Variants in SUGCT observed in about 807,000 individuals in gnomAD.
SUGCT encodes the protein succinyl-CoA:glutarate-CoA transferase.
SUGCT carries 41 observed loss-of-function variants against 55.0 expected under a neutral mutation model. The ratio of observed to expected loss-of-function variants is 0.74; its 90% confidence interval spans 0.58 to 0.97. The LOEUF (loss-of-function observed/expected upper bound fraction) is 0.97, where lower values mean the gene tolerates loss of function less well. SUGCT is among the 50% of genes least tolerant of loss of function. SUGCT has a pLI of 0.00. For missense variants in SUGCT, 568 were observed against 547.8 expected, an observed-to-expected ratio of 1.04 and a Z score of -0.37; for synonymous variants, 187 against 200.4, an observed-to-expected ratio of 0.93 and a Z score of 0.56.
chr7:40,374,243 A>G (rs1005117643), intron 9 of SUGCT, among the ~76,000 whole-genome samples: 5 of 152,156 alleles, frequency 3.3e-5, no homozygotes, highest in African/African-American at 1.2e-4. Context: ...CCACAATTAC[A>G]GTTTGAGTTA....
chr7:40,780,892 T>G (rs1789712467), intron 13 of SUGCT, among the ~76,000 whole-genome samples: 1 of 151,956 alleles, frequency 6.6e-6, no homozygotes, highest in Non-Finnish European at 1.5e-5. Context: ...CATTAAGGCA[T>G]AAAGAATGGC....
chr7:40,697,603 A>C (rs773207034), intron 12 of SUGCT, among the ~76,000 whole-genome samples: 51 of 152,140 alleles, frequency 3.4e-4, no homozygotes, highest in Non-Finnish European at 6.5e-4. Flanking sequence ...ATGCCACTGC[A>C]CTCCAGCCTG....
At chr7:40,961,499 T>C in the SUGCT span, among the ~76,000 whole-genome samples, 1 of 152,216 alleles carries the variant, frequency 6.6e-6, no homozygotes, top group African/African-American at 2.4e-5. Flanking sequence ...ATCTCACACC[T>C]TTTGTGGCTG....
intron 12 of SUGCT, among the ~76,000 whole-genome samples, chr7:40,643,647 A>AT (rs1298324937): frequency 2.0e-5 from 3 of 152,220 alleles, no homozygotes; most frequent in Non-Finnish European, 4.4e-5. Context: ...GCTCATTTGA[A>AT]TTTTTCTTCT....
chr7:40,157,955 T>C (rs1455155799), intron 1 of SUGCT, among the ~76,000 whole-genome samples: 1 of 152,208 alleles, frequency 6.6e-6, no homozygotes, highest in Admixed American at 6.5e-5. Context: ...ACGCCTGTAA[T>C]GCCAGCACTT....
At chr7:40,801,286 G>C (rs1790803264) in intron 13 of SUGCT, among the ~76,000 whole-genome samples, 1 of 152,208 alleles carries the variant, frequency 6.6e-6, no homozygotes, top group South Asian at 2.1e-4. Context: ...GATTCAGCAA[G>C]TCTTAGTGGG....
intron 13 of SUGCT, among the ~76,000 whole-genome samples, chr7:40,798,011 C>CTATATA: frequency 6.6e-6 from 1 of 152,148 alleles, no homozygotes; most frequent in East Asian, 1.9e-4. Context: ...TTCAAACGTG[C>CTATATA]ATCCCCTTAT....
At chr7:40,980,486 T>C in the SUGCT span, among the ~76,000 whole-genome samples, 1 of 152,176 alleles carries the variant, frequency 6.6e-6, no homozygotes, top group African/African-American at 2.4e-5. Flanking sequence ...CTCAGTATTA[T>C]GTAAATCAGA....
chr7:40,265,824 G>T (rs1253417934), intron 7 of SUGCT, among the ~76,000 whole-genome samples: 3 of 152,142 alleles, frequency 2.0e-5, no homozygotes, highest in African/African-American at 7.2e-5. Flanking sequence ...GATGGCATGT[G>T]CCTGTAATCC....
rs139558403 is a variant in SUGCT, at chr7:40,451,205, T to A, written c.888+1847T>A. On this transcript the variant is annotated intron_variant, in intron 10 of 13. Coordinates refer to ENST00000335693, the MANE Select transcript of SUGCT (RefSeq NM_001193313.2). ...GTACAGATTTTCTTCCTGGGCCATATGTTTTGGAGTTTTCTTTCTCCAGAA... is the reference window on the plus strand; with the variant it reads ...GTACAGATTTTCTTCCTGGGCCATAAGTTTTGGAGTTTTCTTTCTCCAGAA... Among the ~76,000 whole-genome samples, 32 of 152,262 alleles carry A rather than the reference T, an allele frequency of 2.1e-4. No individual in the cohort carries two copies. The East Asian group carries it at 6.2e-3, about 29-fold the overall frequency.
intron 12 of SUGCT, among the ~76,000 whole-genome samples, chr7:40,739,077 T>A (rs1187043692): frequency 6.6e-6 from 1 of 152,182 alleles, no homozygotes; most frequent in Non-Finnish European, 1.5e-5. Flanking sequence ...TAAGAAATAA[T>A]ACAGAGAGAT....
At chr7:40,518,381 A>G (rs1793358304) in intron 12 of SUGCT, among the ~76,000 whole-genome samples, 2 of 152,146 alleles carry the variant, frequency 1.3e-5, no homozygotes, top group Admixed American at 6.6e-5. Context: ...TTTTATCTGT[A>G]TACTAGGTTT....
rs114763207 is a variant in SUGCT, at chr7:40,610,762, A to T, written c.1089+114376A>T. On this transcript the variant is annotated intron_variant, in intron 12 of 13. Coordinates refer to ENST00000335693, the MANE Select transcript of SUGCT (RefSeq NM_001193313.2). Reference sequence around the variant, plus strand: ...CCCTTGGAATCCCAGTGCTGGTTTGAACAATAATCCTGATTTTTAACAGCT... The same window carrying T: ...CCCTTGGAATCCCAGTGCTGGTTTGTACAATAATCCTGATTTTTAACAGCT... Among the ~76,000 whole-genome samples the T allele has an allele frequency of 6.4e-4, 98 of 152,344 alleles. 1 individual carries two copies. The highest frequency in any genetic ancestry group is 2.3e-3 in the African/African-American group (97 of 41,584).
the SUGCT span, among the ~76,000 whole-genome samples, chr7:40,945,449 G>A: frequency 6.6e-6 from 1 of 152,184 alleles, no homozygotes; most frequent in Admixed American, 6.5e-5. Context: ...CAGTCACCCT[G>A]AAGTGTTCTA....
At chr7:40,548,727 T>A (rs1795144855) in intron 12 of SUGCT, among the ~76,000 whole-genome samples, 1 of 152,166 alleles carries the variant, frequency 6.6e-6, no homozygotes, top group Admixed American at 6.5e-5. Flanking sequence ...CTCTTTGTGT[T>A]GTACATGCTA....
the SUGCT span, among the ~76,000 whole-genome samples, chr7:40,920,054 G>A: frequency 5.3e-5 from 8 of 152,058 alleles, no homozygotes; most frequent in East Asian, 1.9e-4. Context: ...GCACCTTCTC[G>A]GAGGTATCTT....
chr7:40,183,239 C>T (rs546537267), intron 3 of SUGCT, among the ~76,000 whole-genome samples: 2 of 152,364 alleles, frequency 1.3e-5, no homozygotes, highest in Admixed American at 6.5e-5. Flanking sequence ...TGCCACTGCA[C>T]TCCAGCCTGG....
At chr7:40,363,973 A>G (rs1228935496) in intron 9 of SUGCT, among the ~76,000 whole-genome samples, 2 of 152,046 alleles carry the variant, frequency 1.3e-5, no homozygotes, top group African/African-American at 2.4e-5. Flanking sequence ...GTCACTCAGG[A>G]CTTGCTTTAT....
At chr7:40,927,391 T>C in the SUGCT span, among the ~76,000 whole-genome samples, 858 of 151,892 alleles carry the variant, frequency 5.6e-3, 7 homozygotes, top group African/African-American at 0.02. Context: ...AAAAGGGGAG[T>C]CAGAACTATA....
Sources: gnomAD v4.1 joint callset for allele counts (sites outside exome capture counted in the v4.1 genomes callset) on GRCh38, gnomAD v4.1.1 for gene constraint, MANE v1.5 for transcripts, NCBI Gene and HGNC (gene_info 2026-07-23, HGNC 2026-07-21) for gene names.